CMSS1: variants seen among roughly 807,000 people sequenced by gnomAD.
The protein encoded by CMSS1 is cms1 ribosomal small subunit homolog.
A neutral mutation model predicts 43.5 loss-of-function variants in CMSS1; 33 were observed. That is an observed-to-expected ratio of 0.76 (90% CI 0.57 to 1.01). The LOEUF is 1.01. Ranked by LOEUF, CMSS1 falls within the 50% of genes least tolerant of loss-of-function variation. CMSS1 has a pLI of 0.00. For missense variants in CMSS1, 313 were observed against 326.4 expected, an observed-to-expected ratio of 0.96 and a Z score of 0.32; for synonymous variants, 115 against 117.2, an observed-to-expected ratio of 0.98 and a Z score of 0.12.
At chr3:99,963,646 C>T (rs1382484793) in intron 1 of CMSS1, among the ~76,000 whole-genome samples, 2 of 151,596 alleles carry the variant, frequency 1.3e-5, no homozygotes, top group Non-Finnish European at 2.9e-5. Flanking sequence ...GAGTGTCGCT[C>T]TGTAGCCCAG....
At chr3:99,886,597 G>T (rs145776568) in intron 1 of CMSS1, among the ~76,000 whole-genome samples, 4 of 151,884 alleles carry the variant, frequency 2.6e-5, no homozygotes, top group Admixed American at 2.6e-4. Flanking sequence ...ATGAACAAAG[G>T]CCCAAAAAAA....
chr3:99,850,561 A>G, intron 1 of CMSS1: 1 of 1,613,396 alleles, frequency 6.2e-7, no homozygotes. Context: ...GAGCTCTTCC[A>G]CTTCAGCCAT....
At chr3:100,136,364 T>C (rs947096058) in intron 1 of CMSS1, among the ~76,000 whole-genome samples, 1 of 152,196 alleles carries the variant, frequency 6.6e-6, no homozygotes, top group African/African-American at 2.4e-5. Flanking sequence ...TGAGTGGTCT[T>C]GTGTCCTGGG....
intron 1 of CMSS1, among the ~76,000 whole-genome samples, chr3:100,042,815 G>A (rs1365521782): frequency 6.6e-6 from 1 of 152,162 alleles, no homozygotes; most frequent in Non-Finnish European, 1.5e-5. Flanking sequence ...TAACAATCGA[G>A]TACTTCTTAC....
chr3:99,959,679 A>C (rs1708437064), intron 1 of CMSS1, among the ~76,000 whole-genome samples: 1 of 152,220 alleles, frequency 6.6e-6, no homozygotes, highest in Admixed American at 6.5e-5. Flanking sequence ...AGTTGTAATA[A>C]AGATGCTTAT....
At chr3:100,132,001 T>C (rs941374130) in intron 1 of CMSS1, among the ~76,000 whole-genome samples, 1 of 152,226 alleles carries the variant, frequency 6.6e-6, no homozygotes, top group Non-Finnish European at 1.5e-5. Context: ...TACTTTGAAA[T>C]AGAGATAATT....
chr3:100,014,250 C>T (rs1426777331), intron 1 of CMSS1, among the ~76,000 whole-genome samples: 1 of 151,586 alleles, frequency 6.6e-6, no homozygotes, highest in East Asian at 1.9e-4. Flanking sequence ...TGTCAATGGA[C>T]ACCTAAGTTG....
intron 1 of CMSS1, among the ~76,000 whole-genome samples, chr3:100,109,368 G>A (rs775958401): frequency 2.6e-5 from 4 of 152,024 alleles, no homozygotes; most frequent in Admixed American, 6.6e-5. Flanking sequence ...CTTATATAAC[G>A]TACAATTCTG....
At chr3:100,080,544 C>A (rs989970738) in intron 1 of CMSS1, among the ~76,000 whole-genome samples, 1 of 152,106 alleles carries the variant, frequency 6.6e-6, no homozygotes, top group African/African-American at 2.4e-5. Context: ...GATCTGTGGA[C>A]CACATTTTGA....
At chr3:99,939,172 G>T (rs927012367) in intron 1 of CMSS1, among the ~76,000 whole-genome samples, 1 of 152,152 alleles carries the variant, frequency 6.6e-6, no homozygotes, top group African/African-American at 2.4e-5. Flanking sequence ...TCAGAAGGTG[G>T]TGCAGTAGTC....
chr3:99,873,573 G>A (rs1434200042), intron 1 of CMSS1, among the ~76,000 whole-genome samples: 3 of 152,122 alleles, frequency 2.0e-5, no homozygotes, highest in Non-Finnish European at 2.9e-5. Flanking sequence ...GACAGAACAT[G>A]ACCTAAGCAG....
chr3:100,147,157 T>G, intron 2 of CMSS1, 96 bp downstream of exon 2: 15 of 1,346,072 alleles, frequency 1.1e-5, no homozygotes, highest in Non-Finnish European at 1.4e-5. Context: ...TATCGGTTGT[T>G]GGTGGGATTT....
rs1417222219 is a variant in CMSS1 at position 99,983,398 on chromosome 3, A to G, written c.65-163575A>G. On this transcript the variant is annotated intron_variant, in intron 1 of 9. Coordinates refer to ENST00000421999, the MANE Select transcript of CMSS1 (RefSeq NM_032359.4). The stretch of plus-strand genomic sequence containing the variant: ...AAAAAATAAATAAATAAATATATAT[A>G]TATATATATATATATATATATGTAT... 2.3e-4 allele frequency among the ~76,000 whole-genome samples: 25 copies of G among 109,856 alleles called. 1 individual carries two copies. Among genetic ancestry groups the G allele is most frequent in the South Asian group, 8.8e-4 (3 of 3,400 alleles). 72.1% of individuals were successfully genotyped at this position (109,856 alleles called of 152,430 possible). A position where few individuals can be genotyped will look rare whatever the true frequency, so the allele number is the denominator to read the frequency against.
Position 100,016,723 on chromosome 3 carries a change from C to T in CMSS1, c.65-130250C>T, listed in dbSNP as rs148506564. Among the ~76,000 whole-genome samples the T allele has an allele frequency of 1.7e-3, 263 of 152,316 alleles. 5 individuals carry two copies. In the East Asian group the frequency reaches 0.029, roughly 17 times the overall value. ...TGCTCTTGAATCCTTTTTATCCTTT[C>T]ACTTATTTCTTGAATCTGAATTGTA... is the stretch of plus-strand genomic sequence containing the variant. On this transcript the variant is annotated intron_variant, in intron 1 of 9. Transcript: ENST00000421999.
At chr3:100,092,222 T>C (rs1336144607) in intron 1 of CMSS1, among the ~76,000 whole-genome samples, 1 of 152,192 alleles carries the variant, frequency 6.6e-6, no homozygotes, top group Non-Finnish European at 1.5e-5. Context: ...GTAAATATTC[T>C]ATAACAGTAT....
At chr3:99,892,113 G>T (rs1026764775) in intron 1 of CMSS1, among the ~76,000 whole-genome samples, 22 of 152,198 alleles carry the variant, frequency 1.4e-4, no homozygotes, top group African/African-American at 5.3e-4. Context: ...GTGAGAAATA[G>T]AATATCACTG....
At position 100,068,811 on chromosome 3, in the gene CMSS1, A is replaced by T. The variant is rs146584252; in HGVS notation, c.65-78162A>T. 3.5e-3 allele frequency among the ~76,000 whole-genome samples: 535 copies of T among 152,210 alleles called. 2 individuals carry two copies. The highest frequency in any genetic ancestry group is 0.012 in the African/African-American group (509 of 41,544). On this transcript the variant is annotated intron_variant, in intron 1 of 9. Transcript: ENST00000421999. ...CCCAGCTAATTTTTGTATTTTTAGTACAAATGGGGTTTCACCATGTTGGCC... is the reference window on the plus strand; with the variant it reads ...CCCAGCTAATTTTTGTATTTTTAGTTCAAATGGGGTTTCACCATGTTGGCC...
chr3:99,821,559 C>G (rs990278912), intron 1 of CMSS1, among the ~76,000 whole-genome samples: 4 of 152,176 alleles, frequency 2.6e-5, no homozygotes, highest in African/African-American at 9.7e-5. Context: ...CCTTCAGCAA[C>G]TGTTTGAAGT....
intron 1 of CMSS1, among the ~76,000 whole-genome samples, chr3:100,034,840 G>A (rs554394093): frequency 1.2e-4 from 18 of 152,162 alleles, no homozygotes; most frequent in Admixed American, 1.0e-3. Flanking sequence ...ATCAGTAAAC[G>A]GTATATACAT....
Sources: gnomAD v4.1 joint callset for allele counts (sites outside exome capture counted in the v4.1 genomes callset) on GRCh38, gnomAD v4.1.1 for gene constraint, MANE v1.5 for transcripts, NCBI Gene and HGNC (gene_info 2026-07-23, HGNC 2026-07-21) for gene names.